Variants in FAAH2 observed in about 807,000 individuals in gnomAD.
FAAH2 encodes fatty acid amide hydrolase 2.
FAAH2 carries 60 observed loss-of-function variants against 36.9 expected under a neutral mutation model. The ratio of observed to expected loss-of-function variants is 1.63; its 90% CI spans 1.32 to 2.02. The LOEUF (loss-of-function observed/expected upper bound fraction) is 2.02. Among genes scored for constraint, FAAH2 ranks in the 30% most tolerant of loss-of-function variants. The probability of loss-of-function intolerance (pLI) is 0.00; values close to 1 mark genes in which losing one functional copy is unlikely to be tolerated. For missense variants in FAAH2, 689 were observed against 397.5 expected, an observed-to-expected ratio of 1.73 and a Z score of -6.23; for synonymous variants, 214 against 143.8, an observed-to-expected ratio of 1.49 and a Z score of -3.49.
the FAAH2 span, among the ~76,000 whole-genome samples, chrX:57,153,219 A>G: frequency 8.9e-6 from 1 of 111,978 alleles, no homozygotes; most frequent in Admixed American, 9.5e-5. Flanking sequence ...TGCATAGAAT[A>G]TCTTTTTCCA....
chrX:57,286,637 G>A (rs1216935622), upstream of FAAH2: 6 of 363,935 alleles, frequency 1.6e-5, no homozygotes, highest in African/African-American at 2.7e-5. Context: ...CTGCTGGGAA[G>A]TCTCCGCCCC....
chrX:57,433,009 C>T (rs1466074080), intron 8 of FAAH2, among the ~76,000 whole-genome samples: 1 of 109,056 alleles, frequency 9.2e-6, no homozygotes, highest in South Asian at 3.9e-4. Context: ...TTTCAAATAC[C>T]CAGTTTTCTT....
chrX:57,432,832 C>T (rs1295463835), intron 8 of FAAH2, among the ~76,000 whole-genome samples: 1 of 111,297 alleles, frequency 9.0e-6, no homozygotes, highest in East Asian at 2.8e-4. Context: ...AGCTATTCTG[C>T]AGTTTACTCA....
At chrX:57,337,883 T>TA (rs1389429137) in intron 4 of FAAH2, among the ~76,000 whole-genome samples, 1 of 111,653 alleles carries the variant, frequency 9.0e-6, no homozygotes, top group Non-Finnish European at 1.9e-5. Flanking sequence ...TGATACAACA[T>TA]AGTATTGGAT....
chrX:57,467,880 G>A (rs2057080978), intron 10 of FAAH2, among the ~76,000 whole-genome samples: 1 of 111,449 alleles, frequency 9.0e-6, no homozygotes, highest in Admixed American at 9.5e-5. Context: ...CACACAGCTG[G>A]GTACCCCTCT....
the FAAH2 span, among the ~76,000 whole-genome samples, chrX:57,123,736 C>G: frequency 8.9e-6 from 1 of 112,399 alleles, no homozygotes; most frequent in Non-Finnish European, 1.9e-5. Flanking sequence ...TTTTGATTTG[C>G]ATTTCTCTGA....
intron 2 of FAAH2, among the ~76,000 whole-genome samples, chrX:57,299,886 G>A (rs1264398153): frequency 3.6e-5 from 4 of 110,999 alleles, no homozygotes; most frequent in Admixed American, 1.9e-4. Context: ...ATACCTAGGA[G>A]TCCAACTTAC....
intron 4 of FAAH2, among the ~76,000 whole-genome samples, chrX:57,340,541 C>G (rs2053660871): frequency 8.9e-6 from 1 of 111,822 alleles, no homozygotes; most frequent in South Asian, 3.8e-4. Flanking sequence ...GGAATCAACC[C>G]AAATGCCCAT....
At chrX:57,172,501 C>G in the FAAH2 span, among the ~76,000 whole-genome samples, 1 of 111,541 alleles carries the variant, frequency 9.0e-6, no homozygotes, top group African/African-American at 3.3e-5. Flanking sequence ...TTAGCTTTGC[C>G]GTCTATAGGT....
chrX:57,249,726 G>T, the FAAH2 span, among the ~76,000 whole-genome samples: 10 of 111,724 alleles, frequency 9.0e-5, no homozygotes, highest in East Asian at 1.7e-3. Flanking sequence ...TTTTTTCTGG[G>T]TATACTATGT....
chrX:57,309,270 C>CA (rs1278468563), intron 2 of FAAH2, among the ~76,000 whole-genome samples: 1 of 111,378 alleles, frequency 9.0e-6, no homozygotes, highest in Non-Finnish European at 1.9e-5. Flanking sequence ...CAAAAAACAA[C>CA]AAAAAATTAC....
At chrX:57,185,969 A>G in the FAAH2 span, among the ~76,000 whole-genome samples, 1 of 111,458 alleles carries the variant, frequency 9.0e-6, no homozygotes, top group Non-Finnish European at 1.9e-5. Flanking sequence ...TCTATCATTG[A>G]TGGGCATTTG....
chrX:57,376,550 G>C (rs1320987273), intron 5 of FAAH2, among the ~76,000 whole-genome samples: 1 of 111,619 alleles, frequency 9.0e-6, no homozygotes, highest in Non-Finnish European at 1.9e-5. Context: ...TATCCAGTCT[G>C]TCATTGATGG....
the FAAH2 span, among the ~76,000 whole-genome samples, chrX:57,216,990 C>T: frequency 2.7e-5 from 3 of 110,282 alleles, no homozygotes; most frequent in South Asian, 3.9e-4. Flanking sequence ...AAGGTGGTAT[C>T]GCATTGTGGT....
intron 7 of FAAH2, among the ~76,000 whole-genome samples, chrX:57,428,309 C>T (rs1175341428): frequency 9.0e-6 from 1 of 111,624 alleles, no homozygotes; most frequent in Non-Finnish European, 1.9e-5. Context: ...ATTAAAATGT[C>T]TATATTATCT....
chrX:57,450,909 G>T (rs1457820017), intron 10 of FAAH2, among the ~76,000 whole-genome samples: 2 of 111,267 alleles, frequency 1.8e-5, no homozygotes, highest in Admixed American at 9.6e-5. Context: ...CAATATCTCT[G>T]CTTTACTTCG....
the FAAH2 span, among the ~76,000 whole-genome samples, chrX:57,159,606 T>C: frequency 9.0e-6 from 1 of 111,486 alleles, no homozygotes; most frequent in Non-Finnish European, 1.9e-5. Flanking sequence ...GAAGCAATTG[T>C]GAATGGGAGT....
chrX:57,442,323 T>A (rs2056577564), intron 8 of FAAH2, among the ~76,000 whole-genome samples: 1 of 112,029 alleles, frequency 8.9e-6, no homozygotes, highest in Admixed American at 9.5e-5. Flanking sequence ...TTTAGGATAG[T>A]TAGCTCTTCT....
intron 10 of FAAH2, among the ~76,000 whole-genome samples, chrX:57,476,559 T>G (rs1213631066): frequency 9.0e-6 from 1 of 111,306 alleles, no homozygotes; most frequent in East Asian, 2.8e-4. Flanking sequence ...GTTTATAAGC[T>G]TTTTGATGTG....
Sources: gnomAD v4.1 joint callset for allele counts (sites outside exome capture counted in the v4.1 genomes callset) on GRCh38, gnomAD v4.1.1 for gene constraint, MANE v1.5 for transcripts, NCBI Gene and HGNC (gene_info 2026-07-23, HGNC 2026-07-21) for gene names.